CACUL1: variants seen among roughly 807,000 people sequenced by gnomAD.
CACUL1 encodes the protein CDK2-associated and cullin domain-containing protein 1.
In CACUL1, 13 loss-of-function variants were observed where a neutral mutation model predicts 45.2. That is an observed-to-expected ratio of 0.29 (90% confidence interval 0.19 to 0.46). The LOEUF is 0.46. Ranked by LOEUF, CACUL1 falls within the 20% of genes least tolerant of loss-of-function variation. The pLI is 1.00. For missense variants in CACUL1, 421 were observed against 471.4 expected (o/e 0.89, Z 0.99); for synonymous variants, 197 against 174.2 (o/e 1.13, Z -1.03).
chr10:118,747,149 C>T (rs1354951150), intron 1 of CACUL1, among the ~76,000 whole-genome samples: 4 of 152,192 alleles, frequency 2.6e-5, no homozygotes, highest in Non-Finnish European at 5.9e-5. Context: ...ATCCCCCAGT[C>T]CACAGAAAAA....
intron 8 of CACUL1, among the ~76,000 whole-genome samples, chr10:118,686,380 A>T (rs1845206228): frequency 6.6e-6 from 1 of 152,220 alleles, no homozygotes; most frequent in Admixed American, 6.5e-5. Context: ...ATCCCAGTAG[A>T]AACTAAAGAA....
chr10:118,743,240 G>A (rs1040909498), intron 1 of CACUL1, among the ~76,000 whole-genome samples: 1 of 152,040 alleles, frequency 6.6e-6, no homozygotes, highest in African/African-American at 2.4e-5. Flanking sequence ...AGTGACTCAT[G>A]GTACAATAAC....
chr10:118,694,819 G>A (rs970482162), intron 6 of CACUL1: 6 of 227,864 alleles, frequency 2.6e-5, no homozygotes, highest in Non-Finnish European at 5.4e-5. Context: ...ATGTCTGTAA[G>A]TATGTGCAGC....
chr10:118,754,723 C>T lies in CACUL1; in HGVS notation c.40G>A (p.Glu14Lys), dbSNP rs778100863. The T allele has an allele frequency of 6.2e-7, 1 of 1,603,322 alleles. No homozygotes were observed. The change falls in exon 1 of 9, where the codon GAG (glutamate) becomes AAG (lysine). Residue 14 changes from glutamate to lysine, a missense_variant. By Grantham distance (56) the Glu-to-Lys change is moderately conservative. This residue lies in a region of CACUL1 where 213 missense variants were observed against 173.1 expected (regional missense o/e 1.23). Coordinates refer to ENST00000369151, the MANE Select transcript of CACUL1 (RefSeq NM_153810.5). ...SMEEEEGGSY[E>K]AMMDDQNHNN... ...TGGTTCTGGTCGTCCATCATCGCCT[C>T]GTAGCTGCCCCCCTCCTCCTCTTCC... is the stretch of plus-strand genomic sequence containing the variant.
At chr10:118,696,824 G>C (rs1449802672) in intron 5 of CACUL1, among the ~76,000 whole-genome samples, 1 of 152,174 alleles carries the variant, frequency 6.6e-6, no homozygotes, top group Admixed American at 6.5e-5. Context: ...GGTTTTCAAA[G>C]TTCTCTCTAT....
chr10:118,701,811 C>G (rs2119577976), intron 4 of CACUL1, among the ~76,000 whole-genome samples: 1 of 152,240 alleles, frequency 6.6e-6, no homozygotes, highest in Non-Finnish European at 1.5e-5. Flanking sequence ...CGTTGACTCC[C>G]CAGCACACAC....
At chr10:118,725,427 C>T (rs1845643201) in intron 3 of CACUL1, among the ~76,000 whole-genome samples, 2 of 152,142 alleles carry the variant, frequency 1.3e-5, no homozygotes, top group African/African-American at 4.8e-5. Flanking sequence ...AGCATCACAC[C>T]ACTGCACTCT....
chr10:118,733,895 T>C (rs1845719817), intron 1 of CACUL1, among the ~76,000 whole-genome samples: 1 of 152,074 alleles, frequency 6.6e-6, no homozygotes, highest in Non-Finnish European at 1.5e-5. Flanking sequence ...TGCACACCTG[T>C]GGTCTCAGCT....
intron 1 of CACUL1, among the ~76,000 whole-genome samples, chr10:118,738,292 G>A (rs11198583): frequency 0.3 from 45,358 of 152,048 alleles, 6,864 homozygotes; most frequent in East Asian, 0.39. Flanking sequence ...GAGAAACTGA[G>A]AGACAAAGGC....
At chr10:118,716,663 C>T (rs558024491) in intron 3 of CACUL1, among the ~76,000 whole-genome samples, 2 of 147,868 alleles carry the variant, frequency 1.4e-5, no homozygotes, top group African/African-American at 2.5e-5. Flanking sequence ...AGTGCAGTGG[C>T]GCGATCTCGG....
chr10:118,707,641 C>T, intron 3 of CACUL1, 54 bp from the exon 4 acceptor site: 2 of 772,366 alleles, frequency 2.6e-6, no homozygotes, highest in Non-Finnish European at 4.3e-6. Context: ...AAAGACCTTC[C>T]ACCATAATTT....
intron 6 of CACUL1, chr10:118,693,610 G>A (rs1490713347): frequency 2.5e-6 from 1 of 404,452 alleles, no homozygotes; most frequent in Non-Finnish European, 4.9e-6. Flanking sequence ...AAAAGCCAGT[G>A]CTTATAAGCT....
At position 118,754,327 on chromosome 10, in the gene CACUL1, A is replaced by G. The variant is rs370699856; in HGVS notation, c.367+69T>C. On this transcript the variant is annotated intron_variant, in intron 1 of 8. Transcript: ENST00000369151. The stretch of plus-strand genomic sequence containing the variant: ...AACAAAGGAAGCGGAGCTTTCTCCA[A>G]GAGGGGGTGGATTCGGCGTCCGAGT... 8 of 1,433,306 alleles carry G rather than the reference A, an allele frequency of 5.6e-6. No homozygotes were observed. The African/African-American group carries it at 9.0e-5, about 16-fold the overall frequency. 88.8% of individuals were successfully genotyped at this position (1,433,306 alleles called of 1,614,324 possible).
chr10:118,738,608 T>C (rs1330776843), intron 1 of CACUL1, among the ~76,000 whole-genome samples: 2 of 151,944 alleles, frequency 1.3e-5, no homozygotes, highest in East Asian at 3.9e-4. Flanking sequence ...CAGCTCTGCA[T>C]TCAATCAACC....
chr10:118,696,504 C>T (rs1845324708), intron 5 of CACUL1, among the ~76,000 whole-genome samples: 1 of 152,128 alleles, frequency 6.6e-6, no homozygotes, highest in African/African-American at 2.4e-5. Flanking sequence ...ATTGGCTAGG[C>T]GTGGCGGCAG....
chr10:118,750,677 G>C (rs777202163), intron 1 of CACUL1, among the ~76,000 whole-genome samples: 1 of 152,046 alleles, frequency 6.6e-6, no homozygotes, highest in Non-Finnish European at 1.5e-5. Context: ...CAGAGACTTC[G>C]GACATCTCAA....
At chr10:118,686,666 CA>C in intron 7 of CACUL1, 25 bp from the exon 8 acceptor site, 1 of 1,582,322 alleles carries the variant, frequency 6.3e-7, no homozygotes, top group Non-Finnish European at 8.7e-7. Context: ...AGGCAGTCAA[CA>C]AAACTGACTT....
At chr10:118,731,783 C>T (rs1564836916) in intron 1 of CACUL1, among the ~76,000 whole-genome samples, 1 of 152,158 alleles carries the variant, frequency 6.6e-6, no homozygotes, top group Non-Finnish European at 1.5e-5. Flanking sequence ...GGATACACCA[C>T]TTCACGCATT....
At chr10:118,743,423 A>C (rs552395614) in intron 1 of CACUL1, among the ~76,000 whole-genome samples, 1 of 152,298 alleles carries the variant, frequency 6.6e-6, no homozygotes, top group East Asian at 1.9e-4. Context: ...ACCCAGGAAA[A>C]AAAGGGGCAT....
Sources: gnomAD v4.1 joint callset for allele counts (sites outside exome capture counted in the v4.1 genomes callset) on GRCh38, gnomAD v4.1.1 for gene constraint, gnomAD v4.1.1 regional missense constraint, MANE v1.5 for transcripts, NCBI Gene and HGNC (gene_info 2026-07-23, HGNC 2026-07-21) for gene names.